The following TEAD1 variants were observed in gnomAD, a reference collection of about 807,000 sequenced individuals.
TEAD1 encodes TEA domain transcription factor 1, also known as transcriptional enhancer factor TEF-1.
Under a neutral mutation model 54.9 loss-of-function variants are expected in TEAD1, and 9 were observed. The observed-to-expected ratio is 0.16, with a 90% confidence interval of 0.10 to 0.29. The LOEUF is 0.29. Ranked by LOEUF, TEAD1 falls within the 10% of genes least tolerant of loss-of-function variation. The pLI, the probability that TEAD1 is intolerant of heterozygous loss-of-function variation, is 1.00. For missense variants in TEAD1, 387 were observed against 535.9 expected (o/e 0.72, Z 2.74); for synonymous variants, 200 against 187.8 (o/e 1.07, Z -0.53).
chr11:12,714,877 C>CAAGG (rs1277272800), intron 2 of TEAD1, among the ~76,000 whole-genome samples: 1 of 152,120 alleles, frequency 6.6e-6, no homozygotes, highest in African/African-American at 2.4e-5. Flanking sequence ...ACCAGTCACA[C>CAAGG]TCGGTTAGGG....
At chr11:12,925,520 A>G (rs1948889460) in intron 11 of TEAD1, among the ~76,000 whole-genome samples, 2 of 152,182 alleles carry the variant, frequency 1.3e-5, no homozygotes, top group African/African-American at 2.4e-5. Context: ...ACCAAACCAT[A>G]TCACCCTCCT....
chr11:12,834,233 T>TA (rs2134021751), intron 3 of TEAD1, among the ~76,000 whole-genome samples: 1 of 152,282 alleles, frequency 6.6e-6, no homozygotes, highest in South Asian at 2.1e-4. Flanking sequence ...AGATATGAGT[T>TA]ATGTGGAATA....
At chr11:12,764,497 G>A (rs1412408040) in intron 3 of TEAD1, 63 bp downstream of exon 3, 1 of 1,576,112 alleles carries the variant, frequency 6.3e-7, no homozygotes. Context: ...GGGATAGATT[G>A]TAGCTGGTCT....
intron 3 of TEAD1, among the ~76,000 whole-genome samples, chr11:12,839,062 C>T (rs567228888): frequency 6.6e-6 from 1 of 152,134 alleles, no homozygotes; most frequent in Admixed American, 6.5e-5. Context: ...GGGACAATTC[C>T]CAAATATTCT....
chr11:12,936,631 T>A (rs1949104552), intron 12 of TEAD1, among the ~76,000 whole-genome samples: 1 of 152,218 alleles, frequency 6.6e-6, no homozygotes, highest in Admixed American at 6.5e-5. Context: ...TCCCACAAGG[T>A]ATATACATCT....
chr11:12,894,039 A>G (rs1265243335), intron 9 of TEAD1, among the ~76,000 whole-genome samples: 1 of 152,148 alleles, frequency 6.6e-6, no homozygotes, highest in Non-Finnish European at 1.5e-5. Context: ...TCCAGGCAGG[A>G]CCGTGACAAG....
intron 9 of TEAD1, among the ~76,000 whole-genome samples, chr11:12,894,241 A>G (rs1315160045): frequency 6.6e-6 from 1 of 152,194 alleles, no homozygotes; most frequent in Non-Finnish European, 1.5e-5. Context: ...GAACAAATTT[A>G]GGAAAAGACT....
chr11:12,679,634 C>G (rs746091202), intron 2 of TEAD1, among the ~76,000 whole-genome samples: 11 of 151,934 alleles, frequency 7.2e-5, no homozygotes, highest in Non-Finnish European at 1.5e-4. Context: ...TAAAAAAATG[C>G]ATCAACTGTG....
At chr11:12,861,221 T>TA (rs746033590) in intron 3 of TEAD1, among the ~76,000 whole-genome samples, 10 of 152,248 alleles carry the variant, frequency 6.6e-5, no homozygotes, top group Non-Finnish European at 1.2e-4. Flanking sequence ...ATTTTGGTAA[T>TA]ACATTCTCTG....
chr11:12,775,580 A>T (rs1945400368), intron 3 of TEAD1, among the ~76,000 whole-genome samples: 1 of 152,180 alleles, frequency 6.6e-6, no homozygotes, highest in Non-Finnish European at 1.5e-5. Context: ...AAAATAAATG[A>T]TCATTATTGA....
chr11:12,892,059 C>T (rs374406499), intron 9 of TEAD1, among the ~76,000 whole-genome samples: 2 of 152,332 alleles, frequency 1.3e-5, no homozygotes, highest in East Asian at 1.9e-4. Context: ...TGGTTGAGCC[C>T]GCATGGAAGG....
intron 3 of TEAD1, among the ~76,000 whole-genome samples, chr11:12,841,442 TAC>T (rs1778856541): frequency 6.6e-6 from 1 of 152,214 alleles, no homozygotes; most frequent in Non-Finnish European, 1.5e-5. Context: ...AAAGAATAAG[TAC>T]AGTTTTTCTC....
rs571664072 is a variant in TEAD1, at chr11:12,900,795, G to C, written c.700-1145G>C. On this transcript the variant is annotated intron_variant, in intron 9 of 12. Transcript: ENST00000527636. ...AGGGACAGTAGTTGGAGAATTGCCA[G>C]TTTTAACTTGGAATGTGAGCAGACT... 3.3e-5 allele frequency among the ~76,000 whole-genome samples: 5 copies of C among 152,322 alleles called. No individual in the cohort carries two copies. In the East Asian group the frequency reaches 9.6e-4, roughly 29 times the overall value.
chr11:12,683,330 T>A (rs1317938971), intron 2 of TEAD1, among the ~76,000 whole-genome samples: 1 of 152,228 alleles, frequency 6.6e-6, no homozygotes, highest in Non-Finnish European at 1.5e-5. Flanking sequence ...CGTTTGCATC[T>A]CTAGTCCTAA....
intron 3 of TEAD1, among the ~76,000 whole-genome samples, chr11:12,795,910 A>C (rs1445276442): frequency 6.6e-6 from 1 of 152,194 alleles, no homozygotes; most frequent in East Asian, 1.9e-4. Context: ...ATCTCTGATG[A>C]GGCACTGACG....
intron 3 of TEAD1, among the ~76,000 whole-genome samples, chr11:12,834,888 A>G (rs1946855770): frequency 6.6e-6 from 1 of 152,018 alleles, no homozygotes; most frequent in Non-Finnish European, 1.5e-5. Context: ...AAGTGCTGAG[A>G]TTACAGAGCA....
At chr11:12,842,609 T>G (rs1025301449) in intron 3 of TEAD1, among the ~76,000 whole-genome samples, 4 of 152,318 alleles carry the variant, frequency 2.6e-5, no homozygotes, top group African/African-American at 9.6e-5. Context: ...TCCAGAAAAT[T>G]GCTTGTATGC....
chr11:12,851,425 A>G lies in TEAD1; in HGVS notation c.203-10825A>G, dbSNP rs1490640379. 2.6e-5 allele frequency among the ~76,000 whole-genome samples: 4 copies of G among 152,350 alleles called. No individual in the cohort carries two copies. In the East Asian group the frequency reaches 5.8e-4, roughly 22 times the overall value. ...GATAGCTATGTTAATCTGTTTCACT[A>G]TGGTAGCCATTTTATTATCTATATG... On this transcript the variant is annotated intron_variant, in intron 3 of 12. Coordinates refer to ENST00000527636, the MANE Select transcript of TEAD1 (RefSeq NM_021961.6).
intron 2 of TEAD1, among the ~76,000 whole-genome samples, chr11:12,729,936 A>T (rs1944385894): frequency 6.6e-6 from 1 of 152,192 alleles, no homozygotes; most frequent in African/African-American, 2.4e-5. Flanking sequence ...CACGCTGCAG[A>T]TTCACAGCGC....
Sources: gnomAD v4.1 joint callset for allele counts (sites outside exome capture counted in the v4.1 genomes callset) on GRCh38, gnomAD v4.1.1 for gene constraint, MANE v1.5 for transcripts, NCBI Gene and HGNC (gene_info 2026-07-23, HGNC 2026-07-21) for gene names.